PDE3A: variants seen among roughly 807,000 people sequenced by gnomAD.
PDE3A encodes the protein cGMP-inhibited 3',5'-cyclic phosphodiesterase 3A.
PDE3A carries 43 observed loss-of-function variants against 98.3 expected under a neutral mutation model. The ratio of observed to expected loss-of-function variants is 0.44; its 90% CI spans 0.34 to 0.56. The LOEUF (loss-of-function observed/expected upper bound fraction) is 0.56, where lower values mean the gene tolerates loss of function less well. PDE3A is among the 20% of genes least tolerant of loss of function. The pLI is 0.01. For synonymous variants in PDE3A, 663 were observed against 567.9 expected (o/e 1.17, Z -2.38); for missense variants, 1,427 against 1,440.7 (o/e 0.99, Z 0.15).
chr12:20,657,204 G>A (rs771425356), intron 15 of PDE3A, among the ~76,000 whole-genome samples: 1 of 152,128 alleles, frequency 6.6e-6, no homozygotes, highest in Non-Finnish European at 1.5e-5. Context: ...TAGAAATGAA[G>A]GGGGAATCAA....
intron 10 of PDE3A, among the ~76,000 whole-genome samples, chr12:20,640,826 G>A (rs1387264284): frequency 4.6e-5 from 7 of 152,046 alleles, no homozygotes; most frequent in African/African-American, 1.7e-4. Context: ...ACACATGAAG[G>A]AAATAAATAT....
chr12:20,650,810 AT>A, intron 14 of PDE3A, among the ~76,000 whole-genome samples: 2 of 96,514 alleles, frequency 2.1e-5, no homozygotes, highest in Non-Finnish European at 4.6e-5. Context: ...GATAAAAGTT[AT>A]TTGCAAGCAT....
intron 1 of PDE3A, among the ~76,000 whole-genome samples, chr12:20,516,036 T>C (rs1353308094): frequency 6.6e-6 from 1 of 151,302 alleles, no homozygotes; most frequent in Admixed American, 6.6e-5. Flanking sequence ...CCGGCCTATT[T>C]TTTTTTTTTT....
At chr12:20,627,485 C>G (rs1011023559) in intron 5 of PDE3A, among the ~76,000 whole-genome samples, 1 of 152,040 alleles carries the variant, frequency 6.6e-6, no homozygotes, top group Non-Finnish European at 1.5e-5. Flanking sequence ...AGGTATGTCC[C>G]TCTTTCCTGA....
chr12:20,523,872 T>C (rs1423311331), intron 1 of PDE3A, among the ~76,000 whole-genome samples: 1 of 152,222 alleles, frequency 6.6e-6, no homozygotes, highest in Non-Finnish European at 1.5e-5. Context: ...TCAAGTGCTA[T>C]TGGGAACATT....
At chr12:20,616,823 C>A (rs1376438752) in intron 4 of PDE3A, among the ~76,000 whole-genome samples, 1 of 152,064 alleles carries the variant, frequency 6.6e-6, no homozygotes, top group Non-Finnish European at 1.5e-5. Context: ...AAGAGCAAAT[C>A]AAAAGTAGAT....
chr12:20,565,037 T>G (rs1190298426), intron 2 of PDE3A, among the ~76,000 whole-genome samples: 2 of 152,036 alleles, frequency 1.3e-5, no homozygotes, highest in Non-Finnish European at 2.9e-5. Flanking sequence ...GAGAGAGAAA[T>G]AAAAACAAAA....
chr12:20,651,120 T>A (rs1944905479), intron 14 of PDE3A, among the ~76,000 whole-genome samples: 1 of 152,134 alleles, frequency 6.6e-6, no homozygotes, highest in Non-Finnish European at 1.5e-5. Flanking sequence ...TGTAAAAAAA[T>A]TAATAAGAGC....
At position 20,687,376 on chromosome 12, in the gene PDE3A, TG is replaced by T. The variant is rs1945998087; in HGVS notation, c.*7106del. 6.6e-6 allele frequency among the ~76,000 whole-genome samples: 1 copy of T among 152,074 alleles called. No homozygotes were observed. ...AATTCTACCATATCTATATATTACC[TG>T]TTAGTGAGGTTTTAATGGCTTTACT... On this transcript the variant is annotated 3_prime_UTR_variant, in exon 16 of 16. Coordinates refer to ENST00000359062, the MANE Select transcript of PDE3A (RefSeq NM_000921.5).
chr12:20,382,172 A>C (rs1189842350), intron 1 of PDE3A, among the ~76,000 whole-genome samples: 2 of 151,884 alleles, frequency 1.3e-5, no homozygotes, highest in Non-Finnish European at 2.9e-5. Context: ...AACCTTCCAG[A>C]TACTCTGATT....
chr12:20,437,554 A>T (rs2120827528), intron 1 of PDE3A, among the ~76,000 whole-genome samples: 1 of 152,256 alleles, frequency 6.6e-6, no homozygotes, highest in East Asian at 1.9e-4. Context: ...TCATGGCAGA[A>T]GGGAAGCAGG....
At chr12:20,636,606 A>G (rs1265595163) in intron 8 of PDE3A, among the ~76,000 whole-genome samples, 1 of 152,170 alleles carries the variant, frequency 6.6e-6, no homozygotes, top group Non-Finnish European at 1.5e-5. Context: ...AAGCATTAAT[A>G]TAAACTTAAT....
intron 1 of PDE3A, among the ~76,000 whole-genome samples, chr12:20,388,284 A>C (rs1206941445): frequency 2.0e-5 from 3 of 152,022 alleles, no homozygotes; most frequent in Non-Finnish European, 4.4e-5. Context: ...AATTTCTTAT[A>C]AAATTGGAGA....
intron 14 of PDE3A, 61 bp from the exon 15 acceptor site, chr12:20,653,886 T>C: frequency 6.4e-7 from 1 of 1,566,116 alleles, no homozygotes; most frequent in Non-Finnish European, 8.7e-7. Context: ...CCTGGGGTTT[T>C]ACATATTTAC....
intron 2 of PDE3A, among the ~76,000 whole-genome samples, chr12:20,576,940 A>T (rs201424767): frequency 1.4e-5 from 2 of 139,146 alleles, no homozygotes; most frequent in Non-Finnish European, 3.2e-5. Flanking sequence ...TTTTTTTTTT[A>T]AACTAAACCA....
At chr12:20,622,942 C>T (rs1271899020) in intron 5 of PDE3A, among the ~76,000 whole-genome samples, 2 of 151,808 alleles carry the variant, frequency 1.3e-5, no homozygotes, top group Non-Finnish European at 2.9e-5. Context: ...TTTGAGTTAA[C>T]AGAAACAAAA....
At position 20,613,526 on chromosome 12, in the gene PDE3A, T is replaced by C; in HGVS notation, c.1095T>C (p.Ser365=). 6.2e-7 allele frequency: 1 copy of C among 1,614,144 alleles called. No individual in the cohort carries two copies. The highest frequency in any genetic ancestry group is 8.5e-7 in the Non-Finnish European group (1 of 1,179,986). ...TTACCGACCTCCTGGCAGACCCTTC[T>C]CTTCCACCAAACGTGTGCACATCCT... ...GLITDLLADP[S]LPPNVCTSLR... The change falls in exon 3 of 16, where the codon TCT becomes TCC. Residue 365 remains serine, a synonymous_variant. Coordinates refer to ENST00000359062, the MANE Select transcript of PDE3A (RefSeq NM_000921.5).
chr12:20,623,552 C>A (rs542886898), intron 5 of PDE3A, among the ~76,000 whole-genome samples: 6 of 152,018 alleles, frequency 3.9e-5, no homozygotes, highest in Admixed American at 3.3e-4. Flanking sequence ...ATGCATCTTA[C>A]AAGAATAGGA....
intron 1 of PDE3A, among the ~76,000 whole-genome samples, chr12:20,482,225 C>T (rs1422389218): frequency 7.1e-6 from 1 of 141,416 alleles, no homozygotes; most frequent in Non-Finnish European, 1.5e-5. Context: ...TCATTGCACA[C>T]ATGTATTTTT....
Sources: allele counts gnomAD v4.1 joint callset (sites outside exome capture counted in the v4.1 genomes callset), GRCh38; gene constraint gnomAD v4.1.1; transcripts MANE v1.5; gene names NCBI Gene and HGNC (gene_info 2026-07-23, HGNC 2026-07-21).